FRMPD1: variants seen among roughly 807,000 people sequenced by gnomAD.
The protein encoded by FRMPD1 is FERM and PDZ domain containing 1, also known as FERM and PDZ domain-containing protein 1.
A neutral mutation model predicts 117.8 loss-of-function variants in FRMPD1; 76 were observed. The observed-to-expected ratio is 0.65, with a 90% confidence interval of 0.54 to 0.78. The LOEUF (loss-of-function observed/expected upper bound fraction) is 0.78. FRMPD1 is among the 30% of genes least tolerant of loss of function. The pLI, the probability that FRMPD1 is intolerant of heterozygous loss-of-function variation, is 0.00. For synonymous variants in FRMPD1, 783 were observed against 770.4 expected (o/e 1.02, Z -0.27); for missense variants, 1,786 against 1,964.5 (o/e 0.91, Z 1.72).
the FRMPD1 span, among the ~76,000 whole-genome samples, chr9:37,623,984 G>T: frequency 6.6e-6 from 1 of 152,316 alleles, no homozygotes; most frequent in African/African-American, 2.4e-5. Context: ...GGTGCATATG[G>T]TTCGGGGCCC....
chr9:37,670,002 A>AAAAAG (rs1307740245), intron 1 of FRMPD1: 1 of 152,146 alleles, frequency 6.6e-6, no homozygotes, highest in East Asian at 1.9e-4. Flanking sequence ...TCAAAAAAAA[A>AAAAAG]AAAAGAAAAG....
intron 11 of FRMPD1, 47 bp downstream of exon 11, chr9:37,733,646 C>A (rs2118409957): frequency 6.2e-7 from 1 of 1,609,930 alleles, no homozygotes; most frequent in Admixed American, 1.7e-5. Flanking sequence ...GTCTGTGAAA[C>A]CTTAGGAAAA....
In FRMPD1 at chr9:37,745,001, T is replaced by G; in HGVS notation, c.2969T>G (p.Leu990Ter). The change falls in exon 16 of 16, where the codon TTA becomes TGA. Residue 990 changes from leucine to a stop codon, truncating the protein, a stop_gained. Coordinates refer to ENST00000377765, the MANE Select transcript of FRMPD1 (RefSeq NM_014907.3). LOFTEE classifies it low-confidence loss of function (END_TRUNC). ...DTAQARPSQI[L>*]PLSQDLDGIA... ...GCTCAGGCAAGGCCTTCCCAAATCTTACCTCTATCTCAAGACCTGGATGGG... is the reference window on the plus strand; with the variant it reads ...GCTCAGGCAAGGCCTTCCCAAATCTGACCTCTATCTCAAGACCTGGATGGG... The G allele has an allele frequency of 1.2e-6, 2 of 1,614,180 alleles. No homozygotes were observed. Among genetic ancestry groups the G allele is most frequent in the Non-Finnish European group, 1.7e-6 (2 of 1,180,028 alleles).
chr9:37,637,219 GA>G, the FRMPD1 span: 6 of 1,611,058 alleles, frequency 3.7e-6, no homozygotes, highest in East Asian at 1.3e-4. Flanking sequence ...CAAACCGCAG[GA>G]GCAGGCATGA....
intron 6 of FRMPD1, among the ~76,000 whole-genome samples, chr9:37,720,318 C>T (rs199832343): frequency 2.0e-5 from 3 of 152,178 alleles, no homozygotes; most frequent in South Asian, 2.1e-4. Context: ...CGGTGGCTCA[C>T]GCCTGTAATC....
Position 37,711,336 on chromosome 9 carries a change from C to A in FRMPD1, c.363-14C>A. ...ACGACTAAATGTTTTTGTCTTTATT[C>A]TTTCTTTTTTCAGGGAAGCAGAAGA... On this transcript the variant is annotated splice_polypyrimidine_tract_variant and intron_variant, in intron 4 of 15. Coordinates refer to ENST00000377765, the MANE Select transcript of FRMPD1 (RefSeq NM_014907.3). 6.3e-7 allele frequency: 1 copy of A among 1,590,974 alleles called. No individual in the cohort carries two copies. Among genetic ancestry groups the A allele is most frequent in the Non-Finnish European group, 8.6e-7 (1 of 1,159,024 alleles).
chr9:37,722,306 C>CA (rs541735450), intron 6 of FRMPD1, among the ~76,000 whole-genome samples: 5,925 of 121,960 alleles, frequency 0.049, 148 homozygotes, highest in South Asian at 0.1. Flanking sequence ...GAGACTCTGT[C>CA]AAAAAAAAAA....
chr9:37,663,028 T>A (rs1335361271), intron 1 of FRMPD1, among the ~76,000 whole-genome samples: 1 of 152,218 alleles, frequency 6.6e-6, no homozygotes, highest in African/African-American at 2.4e-5. Context: ...TGCACACTCA[T>A]CCCTCTCTTG....
chr9:37,635,590 G>C, the FRMPD1 span, among the ~76,000 whole-genome samples: 1 of 152,214 alleles, frequency 6.6e-6, no homozygotes, highest in Non-Finnish European at 1.5e-5. Context: ...GCACCCCAAG[G>C]GGCAGCCCAG....
chr9:37,733,531 A>G lies in FRMPD1; in HGVS notation c.1054A>G (p.Lys352Glu). The change falls in exon 11 of 16, where the codon AAA (lysine) becomes GAA (glutamate). Residue 352 changes from lysine to glutamate, a missense_variant. Transcript: ENST00000377765. ...AACTTTACTCCGAAACATGAAAGGCAAAGACATCAAGAAAGCCATTAGCTT... is the reference window on the plus strand; with the variant it reads ...AACTTTACTCCGAAACATGAAAGGCGAAGACATCAAGAAAGCCATTAGCTT... ...SPTLLRNMKG[K>E]DIKKAISFHM... 6.2e-7 allele frequency: 1 copy of G among 1,613,790 alleles called. No homozygotes were observed. The highest frequency in any genetic ancestry group is 8.5e-7 in the Non-Finnish European group (1 of 1,179,652).
chr9:37,625,309 C>T, the FRMPD1 span, among the ~76,000 whole-genome samples: 8 of 152,040 alleles, frequency 5.3e-5, no homozygotes, highest in African/African-American at 1.9e-4. Context: ...AGGGATAGGC[C>T]CTAAATGAGA....
At chr9:37,655,543 G>T (rs986477929) in intron 1 of FRMPD1, among the ~76,000 whole-genome samples, 1 of 121,032 alleles carries the variant, frequency 8.3e-6, no homozygotes, top group East Asian at 2.8e-4. Flanking sequence ...TTGCTCTGTT[G>T]CCCAGGCTGG....
At chr9:37,737,897 G>A (rs1389160815) in intron 14 of FRMPD1, among the ~76,000 whole-genome samples, 1 of 150,760 alleles carries the variant, frequency 6.6e-6, no homozygotes, top group East Asian at 1.9e-4. Context: ...TGTTCAGGAA[G>A]TAGATGACCT....
chr9:37,740,632 A>G lies in FRMPD1; in HGVS notation c.2104A>G (p.Ser702Gly). The change falls in exon 15 of 16, where the codon AGC becomes GGC. Residue 702 changes from serine to glycine, a missense_variant. Physicochemically the swap from Ser to Gly is moderately conservative, Grantham distance 56. Coordinates refer to ENST00000377765, the MANE Select transcript of FRMPD1 (RefSeq NM_014907.3). This position sits in a 1 kb window ranked among gnomAD's most constrained non-coding sequence, Gnocchi z 4.2. ...VRLDPRLYEGSHADYYSLCSS... is the reference protein window; with the variant it reads ...VRLDPRLYEGGHADYYSLCSS... ...GCTGGACCCCAGGCTGTATGAAGGCAGCCACGCTGACTACTACAGCCTGTG... is the reference window on the plus strand; with the variant it reads ...GCTGGACCCCAGGCTGTATGAAGGCGGCCACGCTGACTACTACAGCCTGTG... 1 of 1,614,136 alleles carries G rather than the reference A, an allele frequency of 6.2e-7. No homozygotes were observed.
At chr9:37,657,248 C>T (rs1199339904) in intron 1 of FRMPD1, among the ~76,000 whole-genome samples, 1 of 152,198 alleles carries the variant, frequency 6.6e-6, no homozygotes, top group African/African-American at 2.4e-5. Flanking sequence ...CGATAACAAT[C>T]CCACCTCCCC....
chr9:37,654,178 A>G (rs1563919173), intron 1 of FRMPD1, among the ~76,000 whole-genome samples: 3 of 152,244 alleles, frequency 2.0e-5, no homozygotes, highest in Admixed American at 6.5e-5. Flanking sequence ...CTAGTTGGAG[A>G]AAATAATGAA....
chr9:37,692,789 C>T, intron 2 of FRMPD1, 47 bp downstream of exon 2: 1 of 1,340,164 alleles, frequency 7.5e-7, no homozygotes, highest in Non-Finnish European at 1.1e-6. Context: ...GGTCTGGTGT[C>T]CCGGGGGAGG....
At chr9:37,605,655 C>G in the FRMPD1 span, among the ~76,000 whole-genome samples, 3 of 151,998 alleles carry the variant, frequency 2.0e-5, no homozygotes, top group African/African-American at 7.3e-5. Flanking sequence ...AAGACTAATT[C>G]CAAATCATAT....
chr9:37,664,197 G>A (rs1395411592), intron 1 of FRMPD1, among the ~76,000 whole-genome samples: 1 of 152,136 alleles, frequency 6.6e-6, no homozygotes. Flanking sequence ...GTGGGTGACA[G>A]ATTCAGAGCA....
Sources: gnomAD v4.1 joint callset for allele counts (sites outside exome capture counted in the v4.1 genomes callset) on GRCh38, gnomAD v4.1.1 for gene constraint, Gnocchi (gnomAD v3.1) non-coding constraint, MANE v1.5 for transcripts, NCBI Gene and HGNC (gene_info 2026-07-23, HGNC 2026-07-21) for gene names.